The following SAMHD1 variants were observed in gnomAD, a reference collection of about 807,000 sequenced individuals.
The protein encoded by SAMHD1 is SAM and HD domain containing deoxynucleoside triphosphate triphosphohydrolase 1.
Under a neutral mutation model 79.6 loss-of-function variants are expected in SAMHD1, and 54 were observed. That is an observed-to-expected ratio of 0.68 (90% CI 0.55 to 0.85). The LOEUF (loss-of-function observed/expected upper bound fraction) is 0.85, where lower values mean the gene tolerates loss of function less well. Ranked by LOEUF, SAMHD1 falls within the 40% of genes least tolerant of loss-of-function variation. The pLI, the probability that SAMHD1 is intolerant of heterozygous loss-of-function variation, is 0.00. For synonymous variants in SAMHD1, 260 were observed against 264.1 expected, an observed-to-expected ratio of 0.98 and a Z score of 0.15; for missense variants, 663 against 782.7, an observed-to-expected ratio of 0.85 and a Z score of 1.82.
chr20:36,920,768 GAA>G lies in SAMHD1; in HGVS notation c.697-1251_697-1250del, dbSNP rs11326842. 1.0e-2 allele frequency among the ~76,000 whole-genome samples: 1,427 copies of G among 143,126 alleles called. 17 individuals are homozygous for G. Among genetic ancestry groups the G allele is most frequent in the South Asian group, 0.034 (155 of 4,548 alleles). The allele number at this position is 143,126 out of a possible 152,430, so 93.9% of individuals were successfully genotyped here. ...AACAAAGTGACACTCTGTTTCAAAAGAAAAAAAAAAAAACCCACAAAAACAGA... is the reference window on the plus strand; with the variant it reads ...AACAAAGTGACACTCTGTTTCAAAAGAAAAAAAAAAACCCACAAAAACAGA... On this transcript the variant is annotated intron_variant, in intron 6 of 15. Transcript: ENST00000646673.
rs966636088 is a variant in SAMHD1, at chr20:36,942,237, G to A, written c.276-1126C>T. ...TCGAGACAAGCCTGACTAACATGGA[G>A]AAACCCCGTCTCTTCTAAAAATACA... On this transcript the variant is annotated intron_variant, in intron 2 of 15. Transcript: ENST00000646673. Among the ~76,000 whole-genome samples the A allele has an allele frequency of 2.6e-5, 4 of 152,138 alleles. No homozygotes were observed. In the East Asian group the frequency reaches 7.7e-4, roughly 29 times the overall value.
chr20:36,946,902 A>C, intron 1 of SAMHD1, 98 bp from the exon 2 acceptor site: 1 of 900,046 alleles, frequency 1.1e-6, no homozygotes, highest in Non-Finnish European at 1.8e-6. Flanking sequence ...CACATAAGTG[A>C]GTACCCACTG....
intron 2 of SAMHD1, among the ~76,000 whole-genome samples, chr20:36,946,154 G>A (rs747165476): frequency 6.6e-5 from 10 of 151,864 alleles, no homozygotes; most frequent in East Asian, 3.9e-4. Flanking sequence ...AGCCGGGCGC[G>A]GTAATTCCAG....
chr20:36,908,647 T>G (rs2063419158), intron 11 of SAMHD1, among the ~76,000 whole-genome samples: 1 of 152,168 alleles, frequency 6.6e-6, no homozygotes, highest in Admixed American at 6.5e-5. Context: ...CCCATTTCAT[T>G]TTTCTAGTAA....
intron 2 of SAMHD1, among the ~76,000 whole-genome samples, chr20:36,942,866 C>T (rs1416720030): frequency 6.6e-6 from 1 of 152,070 alleles, no homozygotes; most frequent in African/African-American, 2.4e-5. Context: ...CCATGTTAGC[C>T]AGGATGGTCT....
rs199566810 is a variant in SAMHD1, at chr20:36,951,686, C to G, written c.-43G>C. The G allele has an allele frequency of 1.2e-4, 200 of 1,609,966 alleles. 1 individual carries two copies. In the African/African-American group the frequency reaches 2.3e-3, roughly 19 times the overall value. ...GGCACAGCAGTCAAGAACCTCGGCG[C>G]CGGACCCGCGCGCAGGCGCACTGAC... On this transcript the variant is annotated 5_prime_UTR_variant, in exon 1 of 16. Transcript: ENST00000646673.
chr20:36,935,283 C>T (rs906643102), intron 3 of SAMHD1, 94 bp from the exon 4 acceptor site: 1 of 1,016,050 alleles, frequency 9.8e-7, no homozygotes, highest in African/African-American at 1.6e-5. Flanking sequence ...AAAGTCAAAG[C>T]TATTTGATTT....
intron 5 of SAMHD1, 23 bp downstream of exon 5, chr20:36,930,737 C>CT: frequency 6.6e-7 from 1 of 1,505,132 alleles, no homozygotes; most frequent in African/African-American, 1.4e-5. Flanking sequence ...TACATAACAA[C>CT]TTTGTCTCTT....
At chr20:36,904,466 C>T (rs910969405) in intron 12 of SAMHD1, 4 of 495,140 alleles carry the variant, frequency 8.1e-6, no homozygotes, top group Admixed American at 6.3e-5. Flanking sequence ...CGTCTATAAT[C>T]CCAGCACTTT....
At chr20:36,932,664 G>T (rs2063575728) in intron 4 of SAMHD1, among the ~76,000 whole-genome samples, 1 of 151,734 alleles carries the variant, frequency 6.6e-6, no homozygotes, top group Admixed American at 6.6e-5. Context: ...TGATCCACTG[G>T]CCTCAGCCTC....
chr20:36,934,958 TA>T (rs2063593691), intron 4 of SAMHD1, 70 bp downstream of exon 4: 7 of 1,522,718 alleles, frequency 4.6e-6, no homozygotes, highest in Non-Finnish European at 6.4e-6. Flanking sequence ...ATGCCTGGCC[TA>T]AGATAACTAT....
intron 9 of SAMHD1, among the ~76,000 whole-genome samples, chr20:36,913,101 A>G (rs1252650958): frequency 2.8e-5 from 4 of 142,982 alleles, no homozygotes; most frequent in African/African-American, 1.1e-4. Flanking sequence ...GGTTCATGCC[A>G]TTCTCCCGCC....
intron 13 of SAMHD1, among the ~76,000 whole-genome samples, 173 bp from the exon 14 acceptor site, chr20:36,898,717 G>A (rs1990244674): frequency 6.6e-6 from 1 of 151,992 alleles, no homozygotes; most frequent in Admixed American, 6.6e-5. Flanking sequence ...TTCGAGACCA[G>A]CCTGGCCAAC....
intron 2 of SAMHD1, 63 bp downstream of exon 2, chr20:36,946,675 T>G (rs2063688545): frequency 7.6e-7 from 1 of 1,324,014 alleles, no homozygotes; most frequent in African/African-American, 1.5e-5. Context: ...ATTTTGGGCT[T>G]TGTCCCTGAA....
At chr20:36,919,276 A>T in intron 7 of SAMHD1, 88 bp downstream of exon 7, 1 of 1,314,294 alleles carries the variant, frequency 7.6e-7, no homozygotes, top group Non-Finnish European at 1.1e-6. Context: ...TAGCCTCTAA[A>T]ATAGCCAAAT....
intron 13 of SAMHD1, among the ~76,000 whole-genome samples, chr20:36,902,049 A>G (rs552198594): frequency 6.6e-6 from 1 of 152,288 alleles, no homozygotes; most frequent in East Asian, 1.9e-4. Context: ...TTGCTACCTA[A>G]TGGCCTATAG....
At chr20:36,913,756 C>CT (rs35178473) in intron 9 of SAMHD1, among the ~76,000 whole-genome samples, 109,040 of 135,292 alleles carry the variant, frequency 0.81, 44,135 homozygotes, top group East Asian at 0.95. Flanking sequence ...TCATTCTTGA[C>CT]TTTTTTTTTT....
intron 15 of SAMHD1, among the ~76,000 whole-genome samples, chr20:36,897,328 G>A (rs1990216943): frequency 6.6e-6 from 1 of 152,086 alleles, no homozygotes; most frequent in African/African-American, 2.4e-5. Context: ...GTCAGTAAGA[G>A]ACAATTTTAA....
rs886645360 is a variant in SAMHD1, at chr20:36,904,207, G to A, written c.1453C>T (p.Pro485Ser). 1.2e-6 allele frequency: 2 copies of A among 1,613,638 alleles called. No individual in the cohort carries two copies. Among genetic ancestry groups the A allele is most frequent in the Non-Finnish European group, 1.7e-6 (2 of 1,179,778 alleles). ...SLPKEVASAK[P>S]KVLLDVKLKA... Reference sequence around the variant, plus strand: ...AGTTTCACGTCTAGCAATACTTTGGGTTTAGCACTGGCAACCTCTTTTGGA... The same window carrying A: ...AGTTTCACGTCTAGCAATACTTTGGATTTAGCACTGGCAACCTCTTTTGGA... Residue 485 changes from proline to serine, a missense_variant, in exon 13 of 16, where the codon CCC (proline) becomes TCC (serine). Transcript: ENST00000646673.
Sources: gnomAD v4.1 joint callset for allele counts (sites outside exome capture counted in the v4.1 genomes callset) on GRCh38, gnomAD v4.1.1 for gene constraint, MANE v1.5 for transcripts, NCBI Gene and HGNC (gene_info 2026-07-23, HGNC 2026-07-21) for gene names.